The following CDKAL1 variants were observed in gnomAD, a reference collection of about 807,000 sequenced individuals.
CDKAL1 encodes the protein CDKAL1 threonylcarbamoyladenosine tRNA methylthiotransferase.
A neutral mutation model predicts 68.2 loss-of-function variants in CDKAL1; 32 were observed. The observed-to-expected ratio is 0.47, with a 90% CI of 0.35 to 0.63. CDKAL1 has a LOEUF of 0.63. Among genes scored for constraint, CDKAL1 ranks in the 30% least tolerant of loss-of-function variants. CDKAL1 has a pLI of 0.00. For missense variants in CDKAL1, 606 were observed against 696.7 expected, an observed-to-expected ratio of 0.87 and a Z score of 1.47; for synonymous variants, 234 against 244.3, an observed-to-expected ratio of 0.96 and a Z score of 0.39.
At chr6:20,583,859 T>C (rs1276940527) in intron 4 of CDKAL1, among the ~76,000 whole-genome samples, 1 of 151,844 alleles carries the variant, frequency 6.6e-6, no homozygotes, top group Non-Finnish European at 1.5e-5. Flanking sequence ...TACAAAATTT[T>C]TGAGATTCAA....
At chr6:20,983,656 G>A (rs1766278265) in intron 10 of CDKAL1, among the ~76,000 whole-genome samples, 1 of 152,224 alleles carries the variant, frequency 6.6e-6, no homozygotes, top group South Asian at 2.1e-4. Context: ...GAGGGGCTGA[G>A]GTTGCAGTGA....
At chr6:20,762,259 G>C (rs1323602833) in intron 7 of CDKAL1, among the ~76,000 whole-genome samples, 2 of 152,158 alleles carry the variant, frequency 1.3e-5, no homozygotes, top group African/African-American at 2.4e-5. Context: ...TTACTGGAGA[G>C]ATTGTGTGTG....
chr6:20,886,684 T>A (rs555309797), intron 9 of CDKAL1, among the ~76,000 whole-genome samples: 1 of 152,150 alleles, frequency 6.6e-6, no homozygotes, highest in East Asian at 1.9e-4. Context: ...ATATCTAGGG[T>A]GGGCAAATTC....
chr6:21,090,416 G>C (rs1323723269), intron 12 of CDKAL1, among the ~76,000 whole-genome samples: 2 of 152,154 alleles, frequency 1.3e-5, no homozygotes, highest in Admixed American at 1.3e-4. Flanking sequence ...TCCATACCTA[G>C]CATACACAGT....
At chr6:20,642,617 T>A (rs1260985147) in intron 4 of CDKAL1, among the ~76,000 whole-genome samples, 2 of 152,034 alleles carry the variant, frequency 1.3e-5, no homozygotes, top group African/African-American at 4.8e-5. Context: ...CATAGCAGAC[T>A]CCAGGGTCAA....
chr6:21,043,474 A>C (rs1195524956), intron 11 of CDKAL1, among the ~76,000 whole-genome samples: 4 of 152,120 alleles, frequency 2.6e-5, no homozygotes, highest in Non-Finnish European at 4.4e-5. Context: ...CTACTTAGAG[A>C]TATTTTGTAT....
At chr6:20,813,824 C>T (rs1017421406) in intron 8 of CDKAL1, among the ~76,000 whole-genome samples, 3 of 152,120 alleles carry the variant, frequency 2.0e-5, no homozygotes, top group Non-Finnish European at 4.4e-5. Flanking sequence ...TAGTTTCACA[C>T]GGAGTTGATA....
intron 9 of CDKAL1, among the ~76,000 whole-genome samples, chr6:20,936,444 G>A (rs1375960076): frequency 6.6e-6 from 1 of 150,660 alleles, no homozygotes; most frequent in Non-Finnish European, 1.5e-5. Context: ...TAGAGACGGG[G>A]TTTCACCGTT....
chr6:20,928,685 CTTTTT>C (rs55795720), intron 9 of CDKAL1, among the ~76,000 whole-genome samples: 6 of 120,206 alleles, frequency 5.0e-5, no homozygotes, highest in Non-Finnish European at 6.7e-5. Context: ...TTACAATATT[CTTTTT>C]TTTTTTTTTT....
At chr6:21,081,275 A>G (rs149618166) in intron 12 of CDKAL1, among the ~76,000 whole-genome samples, 1 of 152,336 alleles carries the variant, frequency 6.6e-6, no homozygotes, top group Non-Finnish European at 1.5e-5. Flanking sequence ...GAGTTGAGAA[A>G]GACTGAGTGA....
chr6:20,719,062 C>T lies in CDKAL1; in HGVS notation c.372-20457C>T, dbSNP rs144464115. On this transcript the variant is annotated intron_variant, in intron 5 of 15. Transcript: ENST00000274695. ...CTTTCTGTCAGTTCATGGCAGAGTC[C>T]GGGTTCAAGTTGAGGTCTCTGGACA... 5.3e-3 allele frequency among the ~76,000 whole-genome samples: 800 copies of T among 152,212 alleles called. 7 individuals carry two copies. Among genetic ancestry groups the T allele is most frequent in the African/African-American group, 0.018 (744 of 41,534 alleles).
chr6:20,885,092 C>G (rs1452048789), intron 9 of CDKAL1, among the ~76,000 whole-genome samples: 3 of 152,156 alleles, frequency 2.0e-5, no homozygotes, highest in Admixed American at 2.0e-4. Flanking sequence ...CAGTACTACC[C>G]AAAGTAATCT....
chr6:20,608,948 A>G (rs1250827365), intron 4 of CDKAL1, among the ~76,000 whole-genome samples: 1 of 152,212 alleles, frequency 6.6e-6, no homozygotes, highest in African/African-American at 2.4e-5. Context: ...CTTTACAGGA[A>G]TGATTTTCTT....
intron 12 of CDKAL1, among the ~76,000 whole-genome samples, chr6:21,073,019 C>T (rs547687329): frequency 6.6e-6 from 1 of 152,206 alleles, no homozygotes; most frequent in African/African-American, 2.4e-5. Context: ...CTGGCAACCA[C>T]TGATCTACTG....
At chr6:21,175,037 G>A (rs1424828258) in intron 13 of CDKAL1, among the ~76,000 whole-genome samples, 1 of 152,138 alleles carries the variant, frequency 6.6e-6, no homozygotes, top group African/African-American at 2.4e-5. Context: ...TTAAGTGGAG[G>A]CACGACATGA....
chr6:21,191,811 C>T (rs1457776659), intron 13 of CDKAL1, among the ~76,000 whole-genome samples: 1 of 150,922 alleles, frequency 6.6e-6, no homozygotes, highest in African/African-American at 2.4e-5. Flanking sequence ...TTCAACAAGG[C>T]CTAGAAAATT....
chr6:20,965,461 T>A (rs756172025), intron 10 of CDKAL1, among the ~76,000 whole-genome samples: 4 of 152,164 alleles, frequency 2.6e-5, no homozygotes, highest in Non-Finnish European at 4.4e-5. Context: ...ATAATCATAG[T>A]TGAATATCTA....
chr6:21,013,778 T>G (rs1257259156), intron 11 of CDKAL1, among the ~76,000 whole-genome samples: 1 of 152,236 alleles, frequency 6.6e-6, no homozygotes, highest in African/African-American at 2.4e-5. Flanking sequence ...TATCACACTT[T>G]TAGATTCTGT....
chr6:20,895,456 G>A (rs1470113061), intron 9 of CDKAL1, among the ~76,000 whole-genome samples: 2 of 152,170 alleles, frequency 1.3e-5, no homozygotes, highest in Non-Finnish European at 2.9e-5. Context: ...TCTCAGTAGT[G>A]TATGTTTCCA....
Sources: gnomAD v4.1 joint callset for allele counts (sites outside exome capture counted in the v4.1 genomes callset) on GRCh38, gnomAD v4.1.1 for gene constraint, MANE v1.5 for transcripts, NCBI Gene and HGNC (gene_info 2026-07-23, HGNC 2026-07-21) for gene names.